OTOR: variants seen among roughly 807,000 people sequenced by gnomAD.
The protein encoded by OTOR is fibrocyte-derived protein.
In OTOR, 20 loss-of-function variants were observed where a neutral mutation model predicts 15.9. The ratio of observed to expected loss-of-function variants is 1.26; its 90% confidence interval spans 0.89 to 1.83. OTOR has a LOEUF of 1.83. Among genes scored for constraint, OTOR ranks in the 40% most tolerant of loss-of-function variants. The probability of loss-of-function intolerance (pLI) is 0.00; values close to 1 mark genes in which losing one functional copy is unlikely to be tolerated. For synonymous variants in OTOR, 53 were observed against 54.2 expected (o/e 0.98, Z 0.09); for missense variants, 184 against 159.0 (o/e 1.16, Z -0.85).
At chr20:16,749,859 T>G in intron 2 of OTOR, 44 bp from the exon 3 acceptor site, 1 of 1,321,436 alleles carries the variant, frequency 7.6e-7, no homozygotes, top group Non-Finnish European at 1.1e-6. Context: ...CAGAAGACAC[T>G]CAGCATCAGC....
In OTOR at chr20:16,751,455, A is replaced by G. The variant is rs1396473299; in HGVS notation, c.*337A>G. The G allele has an allele frequency of 4.4e-6, 1 of 225,518 alleles. No individual in the cohort carries two copies. Among genetic ancestry groups the G allele is most frequent in the Non-Finnish European group, 8.5e-6 (1 of 117,096 alleles). 14.0% of individuals were successfully genotyped at this position (225,518 alleles called of 1,614,324 possible). A position where few individuals can be genotyped will look rare whatever the true frequency, so the allele number is the denominator to read the frequency against. On this transcript the variant is annotated 3_prime_UTR_variant, in exon 4 of 4. Coordinates refer to ENST00000246081, the MANE Select transcript of OTOR (RefSeq NM_020157.4). The stretch of plus-strand genomic sequence containing the variant: ...CATGTATGTGTAGTTATTTCTAAGT[A>G]GTAATTCTTCCCAGCTCTTTGATTT...
intron 2 of OTOR, chr20:16,749,229 A>C (rs1239887605): frequency 2.7e-6 from 1 of 370,152 alleles, no homozygotes. Flanking sequence ...TGGTAAAAAA[A>C]GAGTCAAATA....
chr20:16,748,907 C>T lies in OTOR; in HGVS notation c.156C>T (p.Ala52=), dbSNP rs1410485730. 4 of 1,609,720 alleles carry T rather than the reference C, an allele frequency of 2.5e-6. No individual in the cohort carries two copies. Among genetic ancestry groups the T allele is most frequent in the Non-Finnish European group, 3.4e-6 (4 of 1,177,964 alleles). The change falls in exon 2 of 4, where the codon GCC becomes GCT. Residue 52 remains alanine (A), a synonymous_variant. Transcript: ENST00000246081. The part of the protein sequence containing the change: ...SLASAQEDYN[A]PDCRFINVKK... ...CTAGTGCTCAAGAAGATTATAATGC[C>T]CCGGACTGTAGATTCATTAACGTTA...
In OTOR at chr20:16,752,040, C is replaced by G. The variant is rs1338555235; in HGVS notation, c.*922C>G. 1.3e-5 allele frequency: 2 copies of G among 152,044 alleles called. No individual in the cohort carries two copies. The highest frequency in any genetic ancestry group is 2.9e-5 in the Non-Finnish European group (2 of 68,016). 9.4% of individuals were successfully genotyped at this position (152,044 alleles called of 1,614,324 possible). On this transcript the variant is annotated 3_prime_UTR_variant, in exon 4 of 4. Transcript: ENST00000246081. ...ATGCAGGTTTTGTGGTCCTGATGGG[C>G]CCACAAGTTTTTCTATATTTAACTG... is the stretch of plus-strand genomic sequence containing the variant.
chr20:16,749,899 T>C lies in OTOR; in HGVS notation c.256-4T>C. The C allele has an allele frequency of 6.2e-7, 1 of 1,604,396 alleles. No homozygotes were observed. The highest frequency in any genetic ancestry group is 8.5e-7 in the Non-Finnish European group (1 of 1,171,504). Reference sequence around the variant, plus strand: ...TCCTGATTGCTATTCTTCTGGGCACTTAGGTTTATGGTGATGGCCAGGACG... The same window carrying C: ...TCCTGATTGCTATTCTTCTGGGCACCTAGGTTTATGGTGATGGCCAGGACG... On this transcript the variant is annotated splice_polypyrimidine_tract_variant and splice_region_variant and intron_variant, in intron 2 of 3. Coordinates refer to ENST00000246081, the MANE Select transcript of OTOR (RefSeq NM_020157.4).
In OTOR at chr20:16,748,988, A is replaced by T; in HGVS notation, c.237A>T (p.Gly79=). 2 of 1,588,512 alleles carry T rather than the reference A, an allele frequency of 1.3e-6. No homozygotes were observed. The highest frequency in any genetic ancestry group is 1.7e-6 in the Non-Finnish European group (2 of 1,173,140). ...AGCTGGTAAAAGAAAATGGAGCTGG[A>T]GAATTTTGGGCTGGCAGTGTAAGAT... ...YSKLVKENGA[G]EFWAGSVYGD... is the part of the protein sequence containing the mutation. The change falls in exon 2 of 4, where the codon GGA becomes GGT. Residue 79 remains glycine (G), a synonymous_variant. Transcript: ENST00000246081.
Position 16,748,368 on chromosome 20 carries a change from A to G in OTOR, c.-34A>G, listed in dbSNP as rs752982863. On this transcript the variant is annotated 5_prime_UTR_variant, in exon 1 of 4. Coordinates refer to ENST00000246081, the MANE Select transcript of OTOR (RefSeq NM_020157.4). The stretch of plus-strand genomic sequence containing the variant: ...ACCACTGAAGTCAGTCCCCGCTTCC[A>G]GTCAGAGTTCAAGTTAAAACAGAAA... The G allele has an allele frequency of 2.8e-6, 4 of 1,414,082 alleles. No individual in the cohort carries two copies. Among genetic ancestry groups the G allele is most frequent in the Non-Finnish European group, 4.0e-6 (4 of 997,846 alleles). 87.6% of individuals were successfully genotyped at this position (1,414,082 alleles called of 1,614,324 possible).
intron 3 of OTOR, among the ~76,000 whole-genome samples, chr20:16,750,696 T>C (rs1265859957): frequency 6.6e-6 from 1 of 152,248 alleles, no homozygotes; most frequent in East Asian, 1.9e-4. Flanking sequence ...AAAGTTATAC[T>C]CTTCCTAATG....
chr20:16,750,659 T>C (rs1366757521), intron 3 of OTOR, among the ~76,000 whole-genome samples: 1 of 152,260 alleles, frequency 6.6e-6, no homozygotes, highest in Admixed American at 6.5e-5. Context: ...ATTTTTGTGG[T>C]AAATAGATTC....
chr20:16,748,663 G>T (rs986194086), intron 1 of OTOR, 147 bp downstream of exon 1: 2 of 695,236 alleles, frequency 2.9e-6, no homozygotes, highest in Non-Finnish European at 4.8e-6. Context: ...TGCATGTTTG[G>T]TATCTTACTA....
chr20:16,749,708 A>G (rs1033633752), intron 2 of OTOR, 195 bp from the exon 3 acceptor site: 1 of 572,944 alleles, frequency 1.7e-6, no homozygotes, highest in Admixed American at 3.1e-5. Context: ...ACTAAACAGT[A>G]GATGCACAAT....
rs2072527374 is a variant in OTOR, at chr20:16,751,248, G to T, written c.*130G>T. On this transcript the variant is annotated 3_prime_UTR_variant, in exon 4 of 4. Transcript: ENST00000246081. ...ATTTGTTACCTTACAGAAGAGCAAGGGCTTAGGGGTTGGAGGTGGCAGATA... is the reference window on the plus strand; with the variant it reads ...ATTTGTTACCTTACAGAAGAGCAAGTGCTTAGGGGTTGGAGGTGGCAGATA... The T allele has an allele frequency of 1.5e-6, 1 of 646,698 alleles. No homozygotes were observed. The highest frequency in any genetic ancestry group is 2.1e-5 in the South Asian group (1 of 47,332). 40.1% of individuals were successfully genotyped at this position (646,698 alleles called of 1,614,324 possible).
Position 16,751,077 on chromosome 20 carries a change from G to GT in OTOR, c.364-13dup. On this transcript the variant is annotated splice_polypyrimidine_tract_variant and intron_variant, in intron 3 of 3. Coordinates refer to ENST00000246081, the MANE Select transcript of OTOR (RefSeq NM_020157.4). ...AGGCTATTTCGTTCAATCTTTTTTTGTTTTTGTTTTTTTCCAGGATATTGA... is the reference window on the plus strand; with the variant it reads ...AGGCTATTTCGTTCAATCTTTTTTTGTTTTTTGTTTTTTTCCAGGATATTGA... 1.3e-6 allele frequency: 2 copies of GT among 1,526,580 alleles called. No individual in the cohort carries two copies. The highest frequency in any genetic ancestry group is 2.5e-5 in the South Asian group (2 of 80,506). The allele number at this position is 1,526,580 out of a possible 1,614,324, so 94.6% of individuals were successfully genotyped here.
Position 16,748,847 on chromosome 20 carries a change from T to C in OTOR, c.116-20T>C, listed in dbSNP as rs1209410983. On this transcript the variant is annotated intron_variant, in intron 1 of 3. Coordinates refer to ENST00000246081, the MANE Select transcript of OTOR (RefSeq NM_020157.4). ...ATTCAGGAGCCTAAAATGTAATCAT[T>C]TAAATTTTTTTTCTTCCAGATACTA... The C allele has an allele frequency of 1.1e-5, 17 of 1,549,718 alleles. No homozygotes were observed. Among genetic ancestry groups the C allele is most frequent in the Admixed American group, 2.2e-5 (1 of 45,118 alleles).
chr20:16,748,506 T>C lies in OTOR; in HGVS notation c.105T>C (p.Asp35=), dbSNP rs747701339. The C allele has an allele frequency of 6.3e-7, 1 of 1,594,396 alleles. No individual in the cohort carries two copies. The highest frequency in any genetic ancestry group is 1.3e-5 in the African/African-American group (1 of 74,540). ...RLASKKLCAD[D]ECVYTISLAS... The stretch of plus-strand genomic sequence containing the variant: ...CTTCCAAGAAGCTCTGTGCAGATGA[T>C]GAGTGTGTCTGTAAGGACTTTTTTA... Residue 35 remains aspartate, a synonymous_variant, in exon 1 of 4, where the codon GAT becomes GAC. Coordinates refer to ENST00000246081, the MANE Select transcript of OTOR (RefSeq NM_020157.4).
At chr20:16,750,599 T>C (rs1264087801) in intron 3 of OTOR, among the ~76,000 whole-genome samples, 1 of 152,246 alleles carries the variant, frequency 6.6e-6, no homozygotes, top group Non-Finnish European at 1.5e-5. Context: ...AAAAAAATTA[T>C]TATGTTTTTG....
chr20:16,750,067 G>C, intron 3 of OTOR, 57 bp downstream of exon 3: 1 of 1,174,828 alleles, frequency 8.5e-7, no homozygotes, highest in Non-Finnish European at 1.3e-6. Context: ...ATGTAGGCCG[G>C]TGTTAAAAAT....
At chr20:16,750,159 A>G in intron 3 of OTOR, 149 bp downstream of exon 3, 1 of 541,216 alleles carries the variant, frequency 1.8e-6, no homozygotes, top group Non-Finnish European at 3.3e-6. Flanking sequence ...GGTTTGGGGG[A>G]CCATTTATAA....
At chr20:16,750,517 G>A (rs556940798) in intron 3 of OTOR, among the ~76,000 whole-genome samples, 1 of 147,896 alleles carries the variant, frequency 6.8e-6, no homozygotes, top group Non-Finnish European at 1.5e-5. Context: ...TTGCAAAGCA[G>A]TCTATGTAAC....
Sources: gnomAD v4.1 joint callset for allele counts (sites outside exome capture counted in the v4.1 genomes callset) on GRCh38, gnomAD v4.1.1 for gene constraint, MANE v1.5 for transcripts, NCBI Gene and HGNC (gene_info 2026-07-23, HGNC 2026-07-21) for gene names.